RMP64: variants seen among roughly 807,000 people sequenced by gnomAD.
The protein encoded by RMP64 is ribonuclease MRP subunit p64.
At chr3:113,019,561 C>G in the RMP64 span, 21 of 1,613,576 alleles carry the variant, frequency 1.3e-5, no homozygotes, top group African/African-American at 2.7e-5. Context: ...CGCCGGGGTT[C>G]TGCACTGTCA....
the RMP64 span, chr3:113,002,727 T>TATCA: frequency 6.3e-6 from 1 of 157,752 alleles, no homozygotes; most frequent in Non-Finnish European, 1.4e-5. Flanking sequence ...AGGAACTGGT[T>TATCA]ATCAGAAGTC....
chr3:113,012,754 A>C, the RMP64 span: 6 of 1,604,496 alleles, frequency 3.7e-6, no homozygotes, highest in Non-Finnish European at 5.1e-6. Context: ...TCACCAGCCC[A>C]ACCATCACAA....
At chr3:113,012,506 C>G in the RMP64 span, 1 of 354,738 alleles carries the variant, frequency 2.8e-6, no homozygotes, top group Non-Finnish European at 5.0e-6. Context: ...TTTAGTTGTT[C>G]AGTGATTGGG....
the RMP64 span, chr3:113,013,959 G>T: frequency 3.7e-6 from 6 of 1,611,904 alleles, no homozygotes; most frequent in Non-Finnish European, 5.1e-6. Flanking sequence ...TTACTTGGAA[G>T]AAAACAACTC....
the RMP64 span, among the ~76,000 whole-genome samples, chr3:113,009,217 T>C: frequency 6.6e-6 from 1 of 152,202 alleles, no homozygotes; most frequent in Non-Finnish European, 1.5e-5. Flanking sequence ...CATTTGGATT[T>C]TACTAACGTT....
At chr3:113,010,909 C>T in the RMP64 span, 5 of 894,754 alleles carry the variant, frequency 5.6e-6, no homozygotes, top group Admixed American at 8.8e-5. Context: ...CCATACCTCT[C>T]TAATCAATAT....
chr3:113,012,890 T>C, the RMP64 span: 2 of 854,616 alleles, frequency 2.3e-6, no homozygotes, highest in East Asian at 2.4e-5. Flanking sequence ...TGAAGAAATA[T>C]ATTGGAAGTA....
the RMP64 span, among the ~76,000 whole-genome samples, chr3:113,016,159 A>G: frequency 3.9e-5 from 6 of 152,186 alleles, no homozygotes; most frequent in Admixed American, 6.5e-5. Flanking sequence ...AAGAGGCCAG[A>G]TCACAGATCT....
At chr3:113,013,581 G>A in the RMP64 span, among the ~76,000 whole-genome samples, 5 of 151,918 alleles carry the variant, frequency 3.3e-5, no homozygotes, top group East Asian at 1.9e-4. Flanking sequence ...TCCTCCCTGG[G>A]CGACCCTTCA....
chr3:113,012,066 T>G, the RMP64 span, among the ~76,000 whole-genome samples: 1 of 152,204 alleles, frequency 6.6e-6, no homozygotes, highest in African/African-American at 2.4e-5. Context: ...AAAACAGGCC[T>G]TCTTACAGAT....
chr3:113,011,243 T>C, the RMP64 span: 1 of 1,613,252 alleles, frequency 6.2e-7, no homozygotes, highest in Non-Finnish European at 8.5e-7. Flanking sequence ...ATTTTTTTCT[T>C]AAAGGCTTCA....
At chr3:113,016,560 A>G in the RMP64 span, among the ~76,000 whole-genome samples, 1 of 152,134 alleles carries the variant, frequency 6.6e-6, no homozygotes, top group African/African-American at 2.4e-5. Context: ...GATCAAAAAG[A>G]CTCCGAAAAA....
At chr3:113,012,133 G>T in the RMP64 span, among the ~76,000 whole-genome samples, 22 of 152,266 alleles carry the variant, frequency 1.4e-4, no homozygotes, top group Admixed American at 9.8e-4. Flanking sequence ...TGAGAGACAT[G>T]AAAGAGATGT....
At chr3:113,010,566 A>T in the RMP64 span, 1 of 1,176,650 alleles carries the variant, frequency 8.5e-7, no homozygotes, top group South Asian at 1.3e-5. Flanking sequence ...GAAAAGATTC[A>T]ATCTCTGCCC....
the RMP64 span, among the ~76,000 whole-genome samples, chr3:113,009,078 C>T: frequency 6.6e-6 from 1 of 152,134 alleles, no homozygotes; most frequent in Non-Finnish European, 1.5e-5. Flanking sequence ...AGAATAAGCC[C>T]ATTAATCAGT....
At chr3:113,013,191 G>A in the RMP64 span, 1 of 1,469,866 alleles carries the variant, frequency 6.8e-7, no homozygotes, top group Non-Finnish European at 9.5e-7. Context: ...TGGAGTGTTA[G>A]CTTTCAAACA....
At chr3:113,014,388 C>CTCTG in the RMP64 span, 1 of 183,042 alleles carries the variant, frequency 5.5e-6, no homozygotes, top group African/African-American at 2.5e-5. Context: ...TGGAGTCTCA[C>CTCTG]TCTGTCGCCC....
the RMP64 span, chr3:113,011,232 C>G: frequency 6.2e-7 from 1 of 1,611,976 alleles, no homozygotes; most frequent in African/African-American, 1.3e-5. Context: ...AAGCTATAGG[C>G]ATTTTTTTCT....
chr3:113,004,292 T>G, the RMP64 span: 1 of 152,192 alleles, frequency 6.6e-6, no homozygotes, highest in African/African-American at 2.4e-5. Flanking sequence ...ATGTTAAAAA[T>G]GCAGGTTTCT....
Sources: gnomAD v4.1 joint callset for allele counts (sites outside exome capture counted in the v4.1 genomes callset) on GRCh38, gnomAD v4.1.1 for gene constraint, MANE v1.5 for transcripts, NCBI Gene and HGNC (gene_info 2026-07-23, HGNC 2026-07-21) for gene names.